Variants in GCNA observed in about 807,000 individuals in gnomAD.
GCNA encodes germ cell nuclear acidic protein.
A neutral mutation model predicts 38.8 loss-of-function variants in GCNA; 3 were observed. The ratio of observed to expected loss-of-function variants is 0.08; its 90% CI spans 0.04 to 0.20. The LOEUF is 0.20. Ranked by LOEUF, GCNA falls within the 10% of genes least tolerant of loss-of-function variation. The pLI, the probability that GCNA is intolerant of heterozygous loss-of-function variation, is 1.00. For missense variants in GCNA, 446 were observed against 578.6 expected, an observed-to-expected ratio of 0.77 and a Z score of 2.35; for synonymous variants, 195 against 240.2, an observed-to-expected ratio of 0.81 and a Z score of 1.74.
rs141677815 is a variant in GCNA at position 71,603,723 on chromosome X, C to T, written c.446C>T (p.Pro149Leu). The change falls in exon 8 of 13, where the codon CCC (proline) becomes CTC (leucine). Residue 149 changes from proline (P) to leucine (L), a missense_variant. By Grantham distance (98) the Pro-to-Leu change is moderately conservative. This residue lies in a region of GCNA where 118 missense variants were observed against 122.8 expected (regional missense o/e 0.96). Transcript: ENST00000373696. ...GACAACAGTGATGATTCAGAAGCTC[C>T]CGACGACAACAGTGATGATTCGGAA... Reference protein sequence around the residue: ...PDDNSDDSEAPDDNSDDSEAP... With the variant: ...PDDNSDDSEALDDNSDDSEAP... 9.1e-6 allele frequency: 11 copies of T among 1,209,744 alleles called. No individual in the cohort carries two copies. In the African/African-American group the frequency reaches 1.1e-4, roughly 12 times the overall value.
At chrX:71,581,661 G>A (rs889840276) in intron 2 of GCNA, among the ~76,000 whole-genome samples, 9 of 112,085 alleles carry the variant, frequency 8.0e-5, no homozygotes, top group African/African-American at 2.9e-4. Flanking sequence ...GGAAAAAAAT[G>A]AGACTTGGGT....
In GCNA at chrX:71,605,855, G is replaced by A. The variant is rs777253743; in HGVS notation, c.1466+126G>A. On this transcript the variant is annotated intron_variant, in intron 9 of 12. Transcript: ENST00000373696. ...GAGTCTGGCTGGGATGGGACTGGGGGACAAGGTTTCTGTCCTTGAGTAGGA... is the reference window on the plus strand; with the variant it reads ...GAGTCTGGCTGGGATGGGACTGGGGAACAAGGTTTCTGTCCTTGAGTAGGA... 36 of 514,719 alleles carry A rather than the reference G, an allele frequency of 7.0e-5. No individual in the cohort carries two copies. In the African/African-American group the frequency reaches 8.1e-4, roughly 12 times the overall value. 42.4% of individuals were successfully genotyped at this position (514,719 alleles called of 1,213,427 possible).
In GCNA at chrX:71,604,623, T is replaced by C; in HGVS notation, c.1346T>C (p.Val449Ala). ...AGGCAGACAAAGACCAAAAATATAG[T>C]GGAGCCACTGAGGAAGAGGAAGGCG... ...RKRQTKTKNI[V>A]EPLRKRKAKT... is the part of the protein sequence containing the mutation. Residue 449 changes from valine to alanine, a missense_variant, in exon 8 of 13, where the codon GTG becomes GCG. By Grantham distance (64) the Val-to-Ala change is moderately conservative. Transcript: ENST00000373696. 1 of 1,203,319 alleles carries C rather than the reference T, an allele frequency of 8.3e-7. No homozygotes were observed. Among genetic ancestry groups the C allele is most frequent in the Non-Finnish European group, 1.1e-6 (1 of 891,543 alleles).
At chrX:71,580,635 T>C (rs1171223304) in intron 1 of GCNA, 185 bp from the exon 2 acceptor site, 9 of 347,879 alleles carry the variant, frequency 2.6e-5, no homozygotes, top group African/African-American at 1.9e-4. Context: ...CCACCACGCC[T>C]GGCTAATTTT....
At chrX:71,600,762 G>A (rs1325024647) in intron 7 of GCNA, among the ~76,000 whole-genome samples, 1 of 112,278 alleles carries the variant, frequency 8.9e-6, no homozygotes, top group Non-Finnish European at 1.9e-5. Context: ...CATGCAATGT[G>A]TAATAATCAC....
At chrX:71,595,182 C>T (rs999300331) in intron 6 of GCNA, among the ~76,000 whole-genome samples, 5 of 111,835 alleles carry the variant, frequency 4.5e-5, no homozygotes, top group South Asian at 3.8e-4. Flanking sequence ...CTGCAGCCTC[C>T]GCCTCCTGAG....
In GCNA at chrX:71,594,103, C is replaced by T. The variant is rs181982585; in HGVS notation, c.141-228C>T. ...CTAATGATACTCAGCTAACATTCTT[C>T]CCGTGTTTTTGATTCAGCAGTAAGG... On this transcript the variant is annotated intron_variant, in intron 4 of 12. Coordinates refer to ENST00000373696, the MANE Select transcript of GCNA (RefSeq NM_052957.5). 3.7e-4 allele frequency among the ~76,000 whole-genome samples: 42 copies of T among 112,431 alleles called. No homozygotes were observed. In the East Asian group the frequency reaches 8.3e-3, roughly 22 times the overall value.
chrX:71,609,212 G>A, intron 10 of GCNA, 95 bp downstream of exon 10: 3 of 895,747 alleles, frequency 3.3e-6, no homozygotes, highest in Non-Finnish European at 4.7e-6. Context: ...TCCTGCCCTT[G>A]AGCAGAGGCA....
At chrX:71,601,027 A>T (rs1258734778) in intron 7 of GCNA, among the ~76,000 whole-genome samples, 1 of 111,653 alleles carries the variant, frequency 9.0e-6, no homozygotes, top group Admixed American at 9.5e-5. Flanking sequence ...CCATTAGTTC[A>T]ATTGTTTTCA....
intron 7 of GCNA, among the ~76,000 whole-genome samples, chrX:71,602,181 GTTTTGTT>G (rs1239788450): frequency 2.7e-5 from 3 of 111,416 alleles, no homozygotes; most frequent in Non-Finnish European, 5.7e-5. Flanking sequence ...CTCATTGTAG[GTTTTGTT>G]TTTTGTTTTT....
intron 2 of GCNA, among the ~76,000 whole-genome samples, chrX:71,584,009 A>AT (rs1179482926): frequency 3.1e-4 from 26 of 82,634 alleles, no homozygotes; most frequent in South Asian, 1.6e-3. Flanking sequence ...CGCCCGGCTA[A>AT]TTTTTTTTTT....
intron 2 of GCNA, 42 bp downstream of exon 2, chrX:71,580,922 C>T (rs771806047): frequency 8.9e-7 from 1 of 1,118,917 alleles, no homozygotes; most frequent in South Asian, 2.0e-5. Flanking sequence ...TTTAGTGTTA[C>T]CGTATTGGCA....
rs2040822487 is a variant in GCNA, at chrX:71,612,762, A to G, written c.1956-100A>G. ...TTGGTGCCCGGGTCTCTGACAACCC[A>G]GAGAAAAGTATTGCTTTGGGCCCAA... is the stretch of plus-strand genomic sequence containing the variant. On this transcript the variant is annotated intron_variant, in intron 12 of 12. Coordinates refer to ENST00000373696, the MANE Select transcript of GCNA (RefSeq NM_052957.5). The G allele has an allele frequency of 4.4e-6, 5 of 1,126,233 alleles. No individual in the cohort carries two copies. The South Asian group carries it at 1.0e-4, about 23-fold the overall frequency. 92.8% of individuals were successfully genotyped at this position (1,126,233 alleles called of 1,213,427 possible). A position where few individuals can be genotyped will look rare whatever the true frequency, so the allele number is the denominator to read the frequency against.
At chrX:71,592,339 G>T (rs1227081259) in intron 3 of GCNA, among the ~76,000 whole-genome samples, 171 bp downstream of exon 3, 3 of 91,525 alleles carry the variant, frequency 3.3e-5, no homozygotes, top group African/African-American at 1.2e-4. Flanking sequence ...GAGGTTCTCT[G>T]CTTCTTTTCC....
At chrX:71,609,973 G>A (rs1308762014) in intron 10 of GCNA, among the ~76,000 whole-genome samples, 1 of 111,744 alleles carries the variant, frequency 8.9e-6, no homozygotes, top group African/African-American at 3.3e-5. Context: ...TGACAGTGGT[G>A]TCACATCAGA....
chrX:71,591,490 A>G (rs899671065), intron 2 of GCNA, among the ~76,000 whole-genome samples: 29 of 100,142 alleles, frequency 2.9e-4, no homozygotes, highest in Admixed American at 4.4e-4. Flanking sequence ...CTAGATATCA[A>G]TCCCAAACAG....
intron 2 of GCNA, among the ~76,000 whole-genome samples, chrX:71,591,681 C>T (rs1450517629): frequency 9.2e-6 from 1 of 108,429 alleles, no homozygotes; most frequent in African/African-American, 3.4e-5. Flanking sequence ...GCTGTGTCGC[C>T]CACACTGCAG....
intron 9 of GCNA, 114 bp from the exon 10 acceptor site, chrX:71,608,859 G>A: frequency 3.4e-6 from 3 of 872,502 alleles, no homozygotes; most frequent in Non-Finnish European, 4.7e-6. Context: ...CTGATCTAAG[G>A]AGCTGGATGG....
chrX:71,594,304 T>C, intron 4 of GCNA, 27 bp from the exon 5 acceptor site: 6 of 1,160,180 alleles, frequency 5.2e-6, no homozygotes, highest in Non-Finnish European at 7.0e-6. Context: ...GCCCTCCTTT[T>C]ATAAAGTATC....
Sources: gnomAD v4.1 joint callset for allele counts (sites outside exome capture counted in the v4.1 genomes callset) on GRCh38, gnomAD v4.1.1 for gene constraint, gnomAD v4.1.1 regional missense constraint, MANE v1.5 for transcripts, NCBI Gene and HGNC (gene_info 2026-07-23, HGNC 2026-07-21) for gene names.